Variants in C1orf159 observed in about 807,000 individuals in gnomAD.
C1orf159 encodes the protein uncharacterized protein C1orf159.
A neutral mutation model predicts 25.6 loss-of-function variants in C1orf159; 19 were observed. That is an observed-to-expected ratio of 0.74 (90% confidence interval 0.52 to 1.09). The LOEUF (loss-of-function observed/expected upper bound fraction) is 1.09. Among genes scored for constraint, C1orf159 ranks in the 50% least tolerant of loss-of-function variants. C1orf159 has a pLI of 0.00. For synonymous variants in C1orf159, 139 were observed against 124.7 expected (o/e 1.12, Z -0.77); for missense variants, 274 against 290.6 (o/e 0.94, Z 0.42).
At chr1:1,090,864 G>C in intron 3 of C1orf159, 2 of 1,545,952 alleles carry the variant, frequency 1.3e-6, no homozygotes, top group Non-Finnish European at 1.7e-6. Flanking sequence ...TGCGCTGGGT[G>C]CTGGCACTTA....
chr1:1,090,240 G>C (rs1044847325), intron 4 of C1orf159, 113 bp downstream of exon 4: 10 of 1,093,360 alleles, frequency 9.1e-6, no homozygotes, highest in Non-Finnish European at 1.2e-5. Context: ...CCACTCCCCA[G>C]GTCCCGCAGC....
At chr1:1,096,772 T>A (rs1646014491) in intron 1 of C1orf159, among the ~76,000 whole-genome samples, 1 of 152,236 alleles carries the variant, frequency 6.6e-6, no homozygotes. Flanking sequence ...TCACCCAGGC[T>A]GGAGCAAAGT....
At chr1:1,108,477 A>G (rs1359812601) in intron 1 of C1orf159, among the ~76,000 whole-genome samples, 3 of 97,546 alleles carry the variant, frequency 3.1e-5, no homozygotes, top group Admixed American at 1.1e-4. Context: ...ACCATGTCTC[A>G]GCAGCACCGT....
In C1orf159 at chr1:1,087,058, A is replaced by C. The variant is rs937544446; in HGVS notation, c.310+81T>G. 26 of 1,387,040 alleles carry C rather than the reference A, an allele frequency of 1.9e-5. No homozygotes were observed. The highest frequency in any genetic ancestry group is 2.4e-5 in the Non-Finnish European group (24 of 1,003,298). 85.9% of individuals were successfully genotyped at this position (1,387,040 alleles called of 1,614,324 possible). On this transcript the variant is annotated intron_variant, in intron 6 of 9. Transcript: ENST00000421241. The surrounding 1 kb of genome is among the most constrained non-coding windows in gnomAD (Gnocchi z 8.3). ...CCCTGAGCCTGCTGTGGCTGCGTCA[A>C]GGGTGAGGGTCTGCACTGGCTCCGA...
intron 1 of C1orf159, among the ~76,000 whole-genome samples, chr1:1,096,071 C>T (rs1646005875): frequency 6.6e-6 from 1 of 152,200 alleles, no homozygotes; most frequent in Non-Finnish European, 1.5e-5. Context: ...TTTCACCTGC[C>T]AATACCTTCG....
intron 1 of C1orf159, among the ~76,000 whole-genome samples, chr1:1,098,820 T>C (rs77977351): frequency 0.27 from 41,316 of 152,060 alleles, 7,311 homozygotes; most frequent in African/African-American, 0.51. Flanking sequence ...CCATGTTGGC[T>C]AGGTCGGTCC....
chr1:1,088,716 G>T (rs942322595), intron 4 of C1orf159, among the ~76,000 whole-genome samples: 1 of 152,098 alleles, frequency 6.6e-6, no homozygotes, highest in African/African-American at 2.4e-5. Context: ...GCGGCTGCTG[G>T]TGCGGGCCAC....
intron 1 of C1orf159, among the ~76,000 whole-genome samples, chr1:1,109,041 C>T (rs1220689619): frequency 7.7e-6 from 1 of 129,838 alleles, no homozygotes; most frequent in East Asian, 2.2e-4. Flanking sequence ...TCGGCAGCAC[C>T]GTTCACCACA....
At chr1:1,091,251 C>G in intron 3 of C1orf159, 1 of 645,162 alleles carries the variant, frequency 1.5e-6, no homozygotes. Context: ...CCCCGCCTGA[C>G]CCAGCCATTC....
intron 3 of C1orf159, 56 bp from the exon 4 acceptor site, chr1:1,090,484 C>T (rs1228441129): frequency 2.0e-6 from 3 of 1,526,204 alleles, no homozygotes; most frequent in African/African-American, 1.4e-5. Context: ...AGGCTCACGC[C>T]CAGAGCAGCA....
intron 4 of C1orf159, 41 bp downstream of exon 4, chr1:1,090,312 C>T: frequency 6.5e-7 from 1 of 1,544,794 alleles, no homozygotes; most frequent in South Asian, 1.2e-5. Flanking sequence ...ACCAGTGGCT[C>T]AGGGGCCGGT....
At chr1:1,091,442 G>T in intron 3 of C1orf159, 30 bp downstream of exon 3, 1 of 1,543,798 alleles carries the variant, frequency 6.5e-7, no homozygotes, top group Non-Finnish European at 8.8e-7. Context: ...TCTGGCTTAG[G>T]CCGCGTGGAC....
At position 1,111,365 on chromosome 1, in the gene C1orf159, CAAAAAA is replaced by C. The variant is rs35082223; in HGVS notation, c.-136+4689_-136+4694del. Among the ~76,000 whole-genome samples, 9 of 109,094 alleles carry C rather than the reference CAAAAAA, an allele frequency of 8.2e-5. No homozygotes were observed. The South Asian group carries it at 1.8e-3, about 22-fold the overall frequency. The allele number at this position is 109,094 out of a possible 152,430, so 71.6% of individuals were successfully genotyped here. A position where few individuals can be genotyped will look rare whatever the true frequency, so the allele number is the denominator to read the frequency against. On this transcript the variant is annotated intron_variant, in intron 1 of 9. Transcript: ENST00000421241. ...CAACAGAGTGAGATCTCATCTCTAC[CAAAAAA>C]AAAAAAAAAAAAAAATAGCTGGGCT... is the stretch of plus-strand genomic sequence containing the variant.
At chr1:1,083,218 A>C in intron 9 of C1orf159, 2 of 494,930 alleles carry the variant, frequency 4.0e-6, no homozygotes, top group South Asian at 3.0e-5. Flanking sequence ...TCTCATTTAC[A>C]CCCTGGGCCC....
In C1orf159 at chr1:1,110,770, C is replaced by T. The variant is rs1048392127; in HGVS notation, c.-136+5290G>A. ...CCCACCCGGGCGCCCTCAGAGACGACGAGCACGCAACAGCGCATCCCACAC... is the reference window on the plus strand; with the variant it reads ...CCCACCCGGGCGCCCTCAGAGACGATGAGCACGCAACAGCGCATCCCACAC... On this transcript the variant is annotated intron_variant, in intron 1 of 9. Coordinates refer to ENST00000421241, the MANE Select transcript of C1orf159 (RefSeq NM_017891.5). This position sits in a 1 kb window ranked among gnomAD's most constrained non-coding sequence, Gnocchi z 4.8. 6.6e-6 allele frequency among the ~76,000 whole-genome samples: 1 copy of T among 152,206 alleles called. No homozygotes were observed. Among genetic ancestry groups the T allele is most frequent in the Non-Finnish European group, 1.5e-5 (1 of 68,044 alleles).
intron 1 of C1orf159, among the ~76,000 whole-genome samples, chr1:1,097,219 G>A (rs754674423): frequency 3.3e-5 from 5 of 151,748 alleles, no homozygotes; most frequent in Non-Finnish European, 7.4e-5. Context: ...CGATTCTTGT[G>A]CCTCAGCCTC....
rs1645853821 is a variant in C1orf159 at position 1,087,706 on chromosome 1, A to G, written c.149-109T>C. 2 of 834,728 alleles carry G rather than the reference A, an allele frequency of 2.4e-6. No individual in the cohort carries two copies. Among genetic ancestry groups the G allele is most frequent in the Non-Finnish European group, 3.8e-6 (2 of 532,526 alleles). 51.7% of individuals were successfully genotyped at this position (834,728 alleles called of 1,614,324 possible). A position where few individuals can be genotyped will look rare whatever the true frequency, so the allele number is the denominator to read the frequency against. ...TGGTGAGATAACTTTCATTCCAGATACTAACATGCTCTGGAGGGTAGGTGG... is the reference window on the plus strand; with the variant it reads ...TGGTGAGATAACTTTCATTCCAGATGCTAACATGCTCTGGAGGGTAGGTGG... On this transcript the variant is annotated intron_variant, in intron 4 of 9. Transcript: ENST00000421241. The surrounding 1 kb of genome is among the most constrained non-coding windows in gnomAD (Gnocchi z 8.3).
In C1orf159 at chr1:1,084,295, C is replaced by T. The variant is rs376292376; in HGVS notation, c.502+58G>A. Reference sequence around the variant, plus strand: ...CGTTTGGGGACAAACCCACAGAGCACCCTGGGACTGGCCCAGAGATGGGAA... The same window carrying T: ...CGTTTGGGGACAAACCCACAGAGCATCCTGGGACTGGCCCAGAGATGGGAA... On this transcript the variant is annotated intron_variant, in intron 9 of 9. Coordinates refer to ENST00000421241, the MANE Select transcript of C1orf159 (RefSeq NM_017891.5). 8 of 1,525,624 alleles carry T rather than the reference C, an allele frequency of 5.2e-6. No individual in the cohort carries two copies. In the African/African-American group the frequency reaches 9.7e-5, roughly 19 times the overall value. The allele number at this position is 1,525,624 out of a possible 1,614,324, so 94.5% of individuals were successfully genotyped here. A position where few individuals can be genotyped will look rare whatever the true frequency, so the allele number is the denominator to read the frequency against.
At chr1:1,101,109 T>C (rs946190042) in intron 1 of C1orf159, among the ~76,000 whole-genome samples, 3 of 152,374 alleles carry the variant, frequency 2.0e-5, no homozygotes, top group Admixed American at 1.3e-4. Flanking sequence ...TATTTTCATG[T>C]AATGTTTATT....
Sources: gnomAD v4.1 joint callset for allele counts (sites outside exome capture counted in the v4.1 genomes callset) on GRCh38, gnomAD v4.1.1 for gene constraint, Gnocchi (gnomAD v3.1) non-coding constraint, MANE v1.5 for transcripts, NCBI Gene and HGNC (gene_info 2026-07-23, HGNC 2026-07-21) for gene names.